MALRD1: variants seen among roughly 807,000 people sequenced by gnomAD.
MALRD1 encodes the protein MAM and LDL receptor class A domain containing 1, also known as MAM and LDL-receptor class A domain-containing protein 1.
A neutral mutation model predicts 242.1 loss-of-function variants in MALRD1; 247 were observed. The observed-to-expected ratio is 1.02, with a 90% CI of 0.92 to 1.13. The LOEUF is 1.13. MALRD1 is among the 50% of genes most tolerant of loss of function. The pLI, the probability that MALRD1 is intolerant of heterozygous loss-of-function variation, is 0.00. For missense variants in MALRD1, 2,989 were observed against 2,533.1 expected, an observed-to-expected ratio of 1.18 and a Z score of -3.86; for synonymous variants, 995 against 866.6, an observed-to-expected ratio of 1.15 and a Z score of -2.60.
chr10:19,096,813 C>T (rs144167146), intron 4 of MALRD1, among the ~76,000 whole-genome samples: 2 of 152,270 alleles, frequency 1.3e-5, no homozygotes, highest in East Asian at 3.9e-4. Flanking sequence ...TTAAAAATGT[C>T]CAAATAGGCG....
At chr10:19,506,173 A>G (rs979616414) in intron 31 of MALRD1, among the ~76,000 whole-genome samples, 2 of 152,182 alleles carry the variant, frequency 1.3e-5, no homozygotes, top group Non-Finnish European at 2.9e-5. Context: ...TGTTGGGAAA[A>G]CAGTTCTTTC....
chr10:19,732,156 A>G (rs1021734800), intron 39 of MALRD1, among the ~76,000 whole-genome samples: 2 of 152,194 alleles, frequency 1.3e-5, no homozygotes, highest in Non-Finnish European at 2.9e-5. Context: ...CTTCATGGAT[A>G]AAAAAACACA....
chr10:19,648,129 C>T (rs1840726584), intron 36 of MALRD1, among the ~76,000 whole-genome samples: 1 of 152,150 alleles, frequency 6.6e-6, no homozygotes, highest in African/African-American at 2.4e-5. Flanking sequence ...GTGCAAAACT[C>T]CTCAAGGGTT....
At chr10:19,692,127 GC>G in intron 36 of MALRD1, among the ~76,000 whole-genome samples, 154 bp from the exon 37 acceptor site, 1 of 152,076 alleles carries the variant, frequency 6.6e-6, no homozygotes, top group East Asian at 1.9e-4. Flanking sequence ...TTTTGGTTTT[GC>G]TTTGGCTTAA....
intron 35 of MALRD1, among the ~76,000 whole-genome samples, chr10:19,609,357 G>A (rs376604996): frequency 2.0e-5 from 3 of 152,008 alleles, no homozygotes; most frequent in East Asian, 1.9e-4. Flanking sequence ...TTTACATGTT[G>A]TATGCTTTTT....
At chr10:19,237,049 G>C (rs1838351742) in intron 18 of MALRD1, among the ~76,000 whole-genome samples, 1 of 151,820 alleles carries the variant, frequency 6.6e-6, no homozygotes, top group South Asian at 2.1e-4. Context: ...ACAATTTGAT[G>C]TTTCAATGAA....
chr10:19,282,674 A>C (rs1052738977), intron 20 of MALRD1, among the ~76,000 whole-genome samples: 2 of 152,206 alleles, frequency 1.3e-5, no homozygotes, highest in African/African-American at 4.8e-5. Context: ...CTGAGAAAAG[A>C]ACAGACTTGT....
intron 33 of MALRD1, among the ~76,000 whole-genome samples, chr10:19,584,822 G>A (rs7084524): frequency 0.56 from 85,142 of 151,040 alleles, 24,525 homozygotes; most frequent in African/African-American, 0.7. Context: ...GTTGACAGTG[G>A]GGTGTTAAAG....
intron 33 of MALRD1, among the ~76,000 whole-genome samples, chr10:19,571,566 T>TA (rs1319115670): frequency 2.0e-5 from 3 of 152,140 alleles, no homozygotes; most frequent in African/African-American, 7.2e-5. Context: ...TTTTGTAGGC[T>TA]AAAAATCTAC....
chr10:19,651,421 A>G (rs16919233), intron 36 of MALRD1, among the ~76,000 whole-genome samples: 3 of 152,062 alleles, frequency 2.0e-5, no homozygotes, highest in Non-Finnish European at 4.4e-5. Context: ...AGGTAGGCCA[A>G]TGCATCCTAC....
intron 38 of MALRD1, among the ~76,000 whole-genome samples, chr10:19,698,696 A>G (rs891241848): frequency 7.2e-5 from 11 of 152,182 alleles, no homozygotes. Context: ...AACAGGTGCA[A>G]AATCTACAAA....
At chr10:19,468,117 AATC>A (rs1348199025) in intron 29 of MALRD1, among the ~76,000 whole-genome samples, 5 of 151,714 alleles carry the variant, frequency 3.3e-5, no homozygotes, top group South Asian at 2.1e-4. Flanking sequence ...ACAAAAAAAA[AATC>A]TATTGTGCTT....
intron 9 of MALRD1, among the ~76,000 whole-genome samples, chr10:19,136,273 A>G (rs1475777756): frequency 1.3e-5 from 2 of 151,842 alleles, no homozygotes; most frequent in Non-Finnish European, 2.9e-5. Context: ...GTTAGGTGGG[A>G]TGCTTGTTTT....
chr10:19,384,789 C>G (rs1220226393), intron 26 of MALRD1, among the ~76,000 whole-genome samples: 1 of 149,048 alleles, frequency 6.7e-6, no homozygotes, highest in Non-Finnish European at 1.5e-5. Context: ...CAGGCTAGGA[C>G]TACTAGTACT....
intron 12 of MALRD1, among the ~76,000 whole-genome samples, chr10:19,165,265 A>ATATATATATATATATATATATATT: frequency 1.5e-5 from 2 of 130,284 alleles, no homozygotes; most frequent in South Asian, 2.5e-4. Context: ...ATATATATAT[A>ATATATATATATATATATATATATT]TTTTGTTTTG....
At chr10:19,697,037 A>G (rs1250551774) in intron 38 of MALRD1, among the ~76,000 whole-genome samples, 1 of 152,364 alleles carries the variant, frequency 6.6e-6, no homozygotes, top group South Asian at 2.1e-4. Context: ...GAAGTTTGTA[A>G]TCTAGGGAAA....
chr10:19,304,445 C>G (rs1315028853), intron 21 of MALRD1, among the ~76,000 whole-genome samples: 1 of 151,616 alleles, frequency 6.6e-6, no homozygotes, highest in Non-Finnish European at 1.5e-5. Context: ...ACTAATATAG[C>G]ATATCCGTTT....
chr10:19,319,555 A>G (rs1401272006), intron 21 of MALRD1, among the ~76,000 whole-genome samples: 6 of 152,130 alleles, frequency 3.9e-5, no homozygotes, highest in Admixed American at 2.0e-4. Context: ...GTAACAAAAA[A>G]TCTCATAAAC....
chr10:19,325,871 A>G (rs929258062), intron 22 of MALRD1, among the ~76,000 whole-genome samples: 1 of 152,134 alleles, frequency 6.6e-6, no homozygotes. Context: ...CTGCTAGGTC[A>G]TACGTTTTCC....
Sources: gnomAD v4.1 joint callset for allele counts (sites outside exome capture counted in the v4.1 genomes callset) on GRCh38, gnomAD v4.1.1 for gene constraint, MANE v1.5 for transcripts, NCBI Gene and HGNC (gene_info 2026-07-23, HGNC 2026-07-21) for gene names.